FAM83A: variants seen among roughly 807,000 people sequenced by gnomAD.
FAM83A encodes the protein scaffolding CK1 anchoring protein A.
FAM83A carries 21 observed loss-of-function variants against 24.4 expected under a neutral mutation model. The observed-to-expected ratio is 0.86, with a 90% confidence interval of 0.61 to 1.24. FAM83A has a LOEUF of 1.24. FAM83A is among the 50% of genes most tolerant of loss of function. FAM83A has a pLI of 0.00. For synonymous variants in FAM83A, 270 were observed against 252.4 expected (o/e 1.07, Z -0.66); for missense variants, 617 against 579.8 (o/e 1.06, Z -0.66).
In FAM83A at chr8:123,209,336, T is replaced by C. The variant is rs1323357143; in HGVS notation, c.*1648T>C. 1.4e-6 allele frequency: 2 copies of C among 1,443,230 alleles called. No individual in the cohort carries two copies. The highest frequency in any genetic ancestry group is 1.8e-6 in the Non-Finnish European group (2 of 1,104,004). 89.4% of individuals were successfully genotyped at this position (1,443,230 alleles called of 1,614,324 possible). A position where few individuals can be genotyped will look rare whatever the true frequency, so the allele number is the denominator to read the frequency against. The stretch of plus-strand genomic sequence containing the variant: ...TTCCAATTCTCCACTGCTCCCAGCA[T>C]GATCTGGGGCATCTTGGCTTCTGGT... On this transcript the variant is annotated 3_prime_UTR_variant, in exon 4 of 4. Coordinates refer to ENST00000690554, the Ensembl canonical transcript of FAM83A. The surrounding 1 kb of genome is among the most constrained non-coding windows in gnomAD (Gnocchi z 4.7).
chr8:123,183,645 T>C (rs1823690903), intron 1 of FAM83A, among the ~76,000 whole-genome samples: 1 of 151,840 alleles, frequency 6.6e-6, no homozygotes. Context: ...TTTCCTCTCT[T>C]TCTTTTTTTT....
chr8:123,208,212 A>AG lies in FAM83A; in HGVS notation c.*526dup, dbSNP rs538657689. On this transcript the variant is annotated 3_prime_UTR_variant, in exon 4 of 4. Transcript: ENST00000690554. ...GAGAGTTGGGGAAACTCCTCCTCTT[A>AG]GGAAAGGCTAATACTAGGGTATCCT... The AG allele has an allele frequency of 7.2e-5, 71 of 986,290 alleles. No individual in the cohort carries two copies. In the African/African-American group the frequency reaches 1.2e-3, roughly 17 times the overall value. 61.1% of individuals were successfully genotyped at this position (986,290 alleles called of 1,614,324 possible).
exon 4 of FAM83A, chr8:123,207,404 G>A: frequency 6.2e-7 from 1 of 1,611,002 alleles, no homozygotes; most frequent in Non-Finnish European, 8.5e-7. Flanking sequence ...CCGCTCGGCA[G>A]GCAGCCACCC....
At chr8:123,194,299 G>C in intron 3 of FAM83A, 151 bp downstream of exon 3, 2 of 1,114,978 alleles carry the variant, frequency 1.8e-6, no homozygotes, top group Non-Finnish European at 2.5e-6. Context: ...CACATAGATG[G>C]GGTGAGAGGC....
At chr8:123,196,090 C>T (rs762675230) in intron 3 of FAM83A, among the ~76,000 whole-genome samples, 49 of 152,248 alleles carry the variant, frequency 3.2e-4, no homozygotes, top group Admixed American at 1.4e-3. Flanking sequence ...CAGTTCACTG[C>T]AACCTCTGCC....
At chr8:123,191,803 G>C (rs1246288895) in exon 2 of FAM83A, 2 of 1,613,636 alleles carry the variant, frequency 1.2e-6, no homozygotes. Flanking sequence ...CCTGGCCCAG[G>C]TCCTGGTCAT....
chr8:123,185,893 C>T (rs747256326), intron 1 of FAM83A, among the ~76,000 whole-genome samples: 58 of 152,146 alleles, frequency 3.8e-4, no homozygotes, highest in African/African-American at 1.3e-3. Flanking sequence ...CAGATTCAAG[C>T]GATTCTCCTG....
intron 3 of FAM83A, among the ~76,000 whole-genome samples, chr8:123,194,418 C>A (rs1319378456): frequency 1.3e-5 from 2 of 152,070 alleles, no homozygotes; most frequent in South Asian, 2.1e-4. Flanking sequence ...CTTTTCCCTC[C>A]TCGGATATCT....
upstream of FAM83A, chr8:123,180,318 G>A (rs1586769399): frequency 6.6e-6 from 1 of 152,302 alleles, no homozygotes; most frequent in Admixed American, 6.5e-5. Context: ...GAACCACTCA[G>A]ACTGTGTCCT....
chr8:123,190,807 A>T (rs1586778792), intron 1 of FAM83A, among the ~76,000 whole-genome samples: 1 of 152,184 alleles, frequency 6.6e-6, no homozygotes, highest in Non-Finnish European at 1.5e-5. Context: ...TGCTTTCTCC[A>T]GGGATGGCTT....
At chr8:123,207,468 A>T in exon 4 of FAM83A, 1 of 1,562,070 alleles carries the variant, frequency 6.4e-7, no homozygotes, top group Non-Finnish European at 8.6e-7. Flanking sequence ...GCGGCCCCAC[A>T]CCCGCCTCCA....
chr8:123,206,451 A>G (rs1824554705), intron 3 of FAM83A, among the ~76,000 whole-genome samples: 1 of 152,202 alleles, frequency 6.6e-6, no homozygotes. Flanking sequence ...TCCCAAGAGC[A>G]GCCGCCTTTT....
At chr8:123,207,728 G>T in exon 4 of FAM83A, 2 of 1,426,772 alleles carry the variant, frequency 1.4e-6, no homozygotes, top group Admixed American at 2.9e-5. Flanking sequence ...CCCAGGGCTG[G>T]GCACTCCCTG....
chr8:123,209,508 A>T lies in FAM83A; in HGVS notation c.*1820A>T, dbSNP rs1041917989. The T allele has an allele frequency of 1.2e-6, 2 of 1,614,066 alleles. No individual in the cohort carries two copies. Among genetic ancestry groups the T allele is most frequent in the African/African-American group, 2.7e-5 (2 of 74,910 alleles). On this transcript the variant is annotated 3_prime_UTR_variant, in exon 4 of 4. Transcript: ENST00000690554. The surrounding 1 kb of genome is among the most constrained non-coding windows in gnomAD (Gnocchi z 4.7). ...TGATGGCTTTCTGAACCCAGCCCTG[A>T]CCTTGTTGTTTCACAGCTGACGGCT... is the stretch of plus-strand genomic sequence containing the variant.
intron 1 of FAM83A, 86 bp from the exon 2 acceptor site, chr8:123,191,717 C>T: frequency 7.0e-7 from 1 of 1,425,876 alleles, no homozygotes; most frequent in Admixed American, 1.7e-5. Flanking sequence ...CTCTCCCAGG[C>T]CCACTGGGAC....
At chr8:123,183,464 G>A in intron 1 of FAM83A, 128 bp downstream of exon 1, 1 of 1,393,490 alleles carries the variant, frequency 7.2e-7, no homozygotes, top group Non-Finnish European at 9.5e-7. Context: ...CGGATGGAGG[G>A]GCTTTGCTGT....
At chr8:123,192,277 C>G (rs1401863795) in intron 2 of FAM83A, among the ~76,000 whole-genome samples, 1 of 152,132 alleles carries the variant, frequency 6.6e-6, no homozygotes, top group Admixed American at 6.5e-5. Flanking sequence ...ATTGACCTTA[C>G]CCAGATGCAC....
chr8:123,180,934 A>T (rs1003204432), upstream of FAM83A, among the ~76,000 whole-genome samples: 830 of 151,730 alleles, frequency 5.5e-3, 8 homozygotes, highest in African/African-American at 0.019. Context: ...TTTATTTTAT[A>T]TTATTTTATT....
chr8:123,204,021 T>A (rs563970249), intron 3 of FAM83A, among the ~76,000 whole-genome samples: 19 of 151,212 alleles, frequency 1.3e-4, no homozygotes, highest in African/African-American at 4.6e-4. Flanking sequence ...AGCAAGGGCG[T>A]TATGATCACA....
Sources: allele counts gnomAD v4.1 joint callset (sites outside exome capture counted in the v4.1 genomes callset), GRCh38; gene constraint gnomAD v4.1.1; non-coding constraint Gnocchi (gnomAD v3.1); transcripts MANE v1.5; gene names NCBI Gene and HGNC (gene_info 2026-07-23, HGNC 2026-07-21).